Variants in ELMO1 observed in about 807,000 individuals in gnomAD.
The protein encoded by ELMO1 is engulfment and cell motility 1, also known as engulfment and cell motility protein 1.
In ELMO1, 26 loss-of-function variants were observed where a neutral mutation model predicts 98.9. That is an observed-to-expected ratio of 0.26 (90% CI 0.19 to 0.36). The LOEUF (loss-of-function observed/expected upper bound fraction) is 0.36, where lower values mean the gene tolerates loss of function less well. Ranked by LOEUF, ELMO1 falls within the 10% of genes least tolerant of loss-of-function variation. The probability of loss-of-function intolerance (pLI) is 1.00; values close to 1 mark genes in which losing one functional copy is unlikely to be tolerated. For missense variants in ELMO1, 627 were observed against 935.2 expected, an observed-to-expected ratio of 0.67 and a Z score of 4.30; for synonymous variants, 346 against 346.0, an observed-to-expected ratio of 1.00 and a Z score of 0.00.
chr7:37,332,662 T>G (rs904022507), intron 2 of ELMO1, among the ~76,000 whole-genome samples: 1 of 152,162 alleles, frequency 6.6e-6, no homozygotes, highest in African/African-American at 2.4e-5. Context: ...AAATTTGTGT[T>G]TGTGAAAGGA....
intron 7 of ELMO1, 29 bp from the exon 8 acceptor site, chr7:37,233,223 A>T: frequency 6.3e-7 from 1 of 1,590,322 alleles, no homozygotes; most frequent in Non-Finnish European, 8.6e-7. Context: ...CACAAGAGTC[A>T]AGAGCCCCAA....
chr7:37,427,621 TAA>T (rs759731410), intron 1 of ELMO1, among the ~76,000 whole-genome samples: 12 of 152,360 alleles, frequency 7.9e-5, no homozygotes, highest in Non-Finnish European at 1.5e-4. Flanking sequence ...TTTTCAAAAG[TAA>T]AAGTGAGCCT....
intron 13 of ELMO1, among the ~76,000 whole-genome samples, chr7:37,197,789 A>G (rs1439606079): frequency 6.6e-6 from 1 of 152,120 alleles, no homozygotes; most frequent in Non-Finnish European, 1.5e-5. Context: ...GAGTACAAGC[A>G]CCTACAGAAA....
At chr7:37,156,077 A>G (rs559782849) in intron 13 of ELMO1, among the ~76,000 whole-genome samples, 23 of 152,120 alleles carry the variant, frequency 1.5e-4, no homozygotes, top group African/African-American at 2.2e-4. Flanking sequence ...AATGACTACT[A>G]GGTACATAAC....
chr7:37,426,142 C>CTTTTTTTT lies in ELMO1; in HGVS notation c.-74+22525_-74+22532dup, dbSNP rs36086006. ...TCTCTCTCTCCCTCTTTTTTTCTTT[C>CTTTTTTTT]TTTTTTTTTTTTTTTTTTTTTTTTT... is the stretch of plus-strand genomic sequence containing the variant. On this transcript the variant is annotated intron_variant, in intron 1 of 21. Transcript: ENST00000310758. Among the ~76,000 whole-genome samples the CTTTTTTTT allele has an allele frequency of 6.6e-4, 56 of 84,580 alleles. 4 individuals carry two copies. Among genetic ancestry groups the CTTTTTTTT allele is most frequent in the Admixed American group, 9.4e-4 (6 of 6,406 alleles). The allele number at this position is 84,580 out of a possible 152,430, so 55.5% of individuals were successfully genotyped here.
chr7:37,419,417 T>G (rs956653464), intron 1 of ELMO1, among the ~76,000 whole-genome samples: 1 of 152,152 alleles, frequency 6.6e-6, no homozygotes, highest in Non-Finnish European at 1.5e-5. Context: ...TTTAATCTGT[T>G]TTCTACTAAA....
At chr7:37,172,028 T>C (rs896279405) in intron 13 of ELMO1, among the ~76,000 whole-genome samples, 1 of 152,322 alleles carries the variant, frequency 6.6e-6, no homozygotes, top group East Asian at 1.9e-4. Flanking sequence ...TGGAAGAACA[T>C]AGTTTTGACA....
Position 37,298,456 on chromosome 7 carries a change from C to CG in ELMO1, c.192+16393_192+16394insC, listed in dbSNP as rs1218710347. 2.1e-5 allele frequency among the ~76,000 whole-genome samples: 3 copies of CG among 141,650 alleles called. No homozygotes were observed. In the East Asian group the frequency reaches 6.2e-4, roughly 29 times the overall value. 92.9% of individuals were successfully genotyped at this position (141,650 alleles called of 152,430 possible). A position where few individuals can be genotyped will look rare whatever the true frequency, so the allele number is the denominator to read the frequency against. On this transcript the variant is annotated intron_variant, in intron 4 of 21. Coordinates refer to ENST00000310758, the MANE Select transcript of ELMO1 (RefSeq NM_014800.11). ...CTCCCAATGCTATCCCTCCTCCCTCCCCCGACCCCACCACAGTCCCCAGAG... is the reference window on the plus strand; with the variant it reads ...CTCCCAATGCTATCCCTCCTCCCTCCGCCCGACCCCACCACAGTCCCCAGAG...
intron 1 of ELMO1, among the ~76,000 whole-genome samples, chr7:37,443,322 A>G (rs1346453631): frequency 6.6e-6 from 1 of 152,234 alleles, no homozygotes; most frequent in Non-Finnish European, 1.5e-5. Context: ...TGTAGCCTCA[A>G]TTCCTAAAAT....
At chr7:37,043,804 A>G (rs984335300) in intron 15 of ELMO1, among the ~76,000 whole-genome samples, 37 of 152,068 alleles carry the variant, frequency 2.4e-4, no homozygotes, top group Admixed American at 2.4e-3. Flanking sequence ...CCAGCACACA[A>G]GGAACTGGGG....
Position 37,222,711 on chromosome 7 carries a change from A to G in ELMO1, c.702-18T>C. 1 of 1,610,258 alleles carries G rather than the reference A, an allele frequency of 6.2e-7. No individual in the cohort carries two copies. The highest frequency in any genetic ancestry group is 1.1e-5 in the South Asian group (1 of 90,576). On this transcript the variant is annotated intron_variant, in intron 9 of 21. Coordinates refer to ENST00000310758, the MANE Select transcript of ELMO1 (RefSeq NM_014800.11). ...GATCTGACCTGTAAAGATAGAGAAC[A>G]ATTCAGAAAATCAGAACACGAAGTC...
intron 14 of ELMO1, among the ~76,000 whole-genome samples, chr7:37,118,236 G>A (rs114798809): frequency 0.014 from 2,114 of 152,222 alleles, 49 homozygotes; most frequent in African/African-American, 0.049. Context: ...CTTGGTTCCT[G>A]TTCCCTTCAA....
At chr7:37,317,689 G>A (rs750435874) in intron 2 of ELMO1, among the ~76,000 whole-genome samples, 3 of 152,090 alleles carry the variant, frequency 2.0e-5, no homozygotes, top group African/African-American at 7.2e-5. Flanking sequence ...GTAGTGGCAG[G>A]GTTTGTGGGA....
intron 15 of ELMO1, among the ~76,000 whole-genome samples, chr7:37,066,908 A>C (rs1797009473): frequency 6.6e-6 from 1 of 152,180 alleles, no homozygotes; most frequent in South Asian, 2.1e-4. Flanking sequence ...ATACTTGGAA[A>C]TCCACTTGCA....
chr7:37,074,132 T>C (rs896012405), intron 15 of ELMO1, among the ~76,000 whole-genome samples: 7 of 148,202 alleles, frequency 4.7e-5, no homozygotes, highest in Non-Finnish European at 8.9e-5. Flanking sequence ...AATATATTTA[T>C]ATATCAATAT....
intron 16 of ELMO1, among the ~76,000 whole-genome samples, chr7:36,921,437 T>C (rs970137135): frequency 6.6e-6 from 1 of 152,248 alleles, no homozygotes; most frequent in African/African-American, 2.4e-5. Context: ...GTGAAAATTA[T>C]GACACCCATG....
At chr7:37,195,943 A>G (rs928804523) in intron 13 of ELMO1, among the ~76,000 whole-genome samples, 1 of 152,202 alleles carries the variant, frequency 6.6e-6, no homozygotes, top group East Asian at 1.9e-4. Context: ...ACCAAATTCA[A>G]ATCTGCTAAC....
intron 5 of ELMO1, chr7:37,269,812 GA>G (rs1222350865): frequency 6.6e-6 from 1 of 152,144 alleles, no homozygotes; most frequent in Non-Finnish European, 1.5e-5. Context: ...CTGGGAATGT[GA>G]GGATCATTAT....
chr7:37,076,980 G>A (rs547910858), intron 15 of ELMO1, among the ~76,000 whole-genome samples: 1 of 152,330 alleles, frequency 6.6e-6, no homozygotes, highest in Admixed American at 6.5e-5. Context: ...ATTATTTACT[G>A]TCCCAATTAT....
Sources: gnomAD v4.1 joint callset for allele counts (sites outside exome capture counted in the v4.1 genomes callset) on GRCh38, gnomAD v4.1.1 for gene constraint, MANE v1.5 for transcripts, NCBI Gene and HGNC (gene_info 2026-07-23, HGNC 2026-07-21) for gene names.